The following SLC26A7 variants were observed in gnomAD, a reference collection of about 807,000 sequenced individuals.
SLC26A7 encodes the protein anion exchange transporter.
Under a neutral mutation model 82.5 loss-of-function variants are expected in SLC26A7, and 59 were observed. The observed-to-expected ratio is 0.72, with a 90% CI of 0.58 to 0.89. SLC26A7 has a LOEUF of 0.89. Ranked by LOEUF, SLC26A7 falls within the 40% of genes least tolerant of loss-of-function variation. The probability of loss-of-function intolerance (pLI) is 0.00; values close to 1 mark genes in which losing one functional copy is unlikely to be tolerated. For missense variants in SLC26A7, 820 were observed against 793.0 expected (o/e 1.03, Z -0.41); for synonymous variants, 271 against 274.3 (o/e 0.99, Z 0.12).
At chr8:91,303,549 TA>T (rs1424529012) in intron 4 of SLC26A7, among the ~76,000 whole-genome samples, 1 of 152,208 alleles carries the variant, frequency 6.6e-6, no homozygotes, top group Non-Finnish European at 1.5e-5. Flanking sequence ...TTAGTTAAGT[TA>T]TATATGTTTG....
chr8:91,220,279 T>C (rs905165493), intron 2 of SLC26A7, among the ~76,000 whole-genome samples: 3 of 152,176 alleles, frequency 2.0e-5, no homozygotes, highest in Non-Finnish European at 4.4e-5. Context: ...AAAGTATGTG[T>C]GCTTATTTTG....
chr8:91,298,624 A>G (rs1338401440), intron 4 of SLC26A7, among the ~76,000 whole-genome samples: 1 of 152,184 alleles, frequency 6.6e-6, no homozygotes, highest in African/African-American at 2.4e-5. Flanking sequence ...TTATCTATTC[A>G]GGAACTTGAA....
At chr8:91,331,647 G>GAT (rs1389659598) in intron 5 of SLC26A7, among the ~76,000 whole-genome samples, 3 of 151,964 alleles carry the variant, frequency 2.0e-5, no homozygotes, top group East Asian at 1.9e-4. Context: ...GTGATGTTTT[G>GAT]ATATATATAT....
chr8:91,224,190 T>A (rs2130666566), intron 2 of SLC26A7, among the ~76,000 whole-genome samples: 1 of 152,276 alleles, frequency 6.6e-6, no homozygotes, highest in Non-Finnish European at 1.5e-5. Flanking sequence ...TCAGTTCGTC[T>A]ATCTGATCCT....
intron 4 of SLC26A7, among the ~76,000 whole-genome samples, chr8:91,317,606 A>G (rs1812674011): frequency 6.6e-6 from 1 of 152,194 alleles, no homozygotes; most frequent in Non-Finnish European, 1.5e-5. Flanking sequence ...GTATCTGGTC[A>G]AAGAGTATGT....
intron 2 of SLC26A7, among the ~76,000 whole-genome samples, chr8:91,243,640 C>A (rs1563640615): frequency 6.6e-6 from 1 of 152,140 alleles, no homozygotes; most frequent in African/African-American, 2.4e-5. Flanking sequence ...ATGGGAGGAA[C>A]CTACCGACAC....
intron 6 of SLC26A7, among the ~76,000 whole-genome samples, chr8:91,334,824 C>G (rs1225995032): frequency 6.6e-6 from 1 of 152,004 alleles, no homozygotes; most frequent in Admixed American, 6.6e-5. Flanking sequence ...TATATGGCAC[C>G]TATAAGATAT....
At chr8:91,325,268 A>C (rs965888024) in intron 5 of SLC26A7, among the ~76,000 whole-genome samples, 1 of 152,172 alleles carries the variant, frequency 6.6e-6, no homozygotes, top group African/African-American at 2.4e-5. Context: ...ATCACTGTGT[A>C]TAAGATGGCC....
chr8:91,352,963 A>T lies in SLC26A7; in HGVS notation c.1281A>T (p.Leu427Phe), dbSNP rs562708766. Residue 427 changes from leucine to phenylalanine, a missense_variant, in exon 11 of 19, where the codon TTA becomes TTT. Physicochemically the swap from Leu to Phe is conservative, Grantham distance 22. Coordinates refer to ENST00000276609, the MANE Select transcript of SLC26A7 (RefSeq NM_052832.4). ...LKGMLIQFRD[L>F]KKYWNVDKID... ...GAATGCTAATACAGTTCCGAGATTT[A>T]AAAAAATATTGGAATGTGGATAAAA... is the stretch of plus-strand genomic sequence containing the variant. 3 of 1,607,862 alleles carry T rather than the reference A, an allele frequency of 1.9e-6. No individual in the cohort carries two copies. The highest frequency in any genetic ancestry group is 1.7e-5 in the Admixed American group (1 of 59,192).
At chr8:91,260,946 T>A (rs1195007587) in intron 2 of SLC26A7, among the ~76,000 whole-genome samples, 5 of 152,076 alleles carry the variant, frequency 3.3e-5, no homozygotes, top group Non-Finnish European at 5.9e-5. Context: ...ATATGTAAAT[T>A]TACCCCAGGA....
chr8:91,381,112 T>C (rs550556426), intron 15 of SLC26A7, among the ~76,000 whole-genome samples: 2 of 152,290 alleles, frequency 1.3e-5, no homozygotes, highest in South Asian at 2.1e-4. Flanking sequence ...TATTAATTTC[T>C]GCACTTCTAA....
chr8:91,380,480 G>A (rs994738415), intron 15 of SLC26A7, among the ~76,000 whole-genome samples: 2 of 151,986 alleles, frequency 1.3e-5, no homozygotes, highest in African/African-American at 4.8e-5. Flanking sequence ...AATCATCTCC[G>A]GTTGTTTGGC....
intron 11 of SLC26A7, among the ~76,000 whole-genome samples, chr8:91,359,381 T>C (rs1406791750): frequency 6.6e-6 from 1 of 152,158 alleles, no homozygotes; most frequent in African/African-American, 2.4e-5. Flanking sequence ...AAGGAGAACA[T>C]TGGAGGAAGG....
At chr8:91,394,409 T>C (rs988721125) in intron 18 of SLC26A7, 19 of 1,455,938 alleles carry the variant, frequency 1.3e-5, no homozygotes, top group Middle Eastern at 1.8e-4. Flanking sequence ...TTAAGTTTTT[T>C]CTGCTCTGAT....
At chr8:91,356,963 G>A (rs537317389) in intron 11 of SLC26A7, among the ~76,000 whole-genome samples, 1 of 152,264 alleles carries the variant, frequency 6.6e-6, no homozygotes, top group Non-Finnish European at 1.5e-5. Flanking sequence ...TGGAAGCAAA[G>A]CCTCAGAAAT....
At chr8:91,290,632 G>T (rs993752853) in intron 3 of SLC26A7, among the ~76,000 whole-genome samples, 14 of 152,128 alleles carry the variant, frequency 9.2e-5, no homozygotes, top group African/African-American at 1.2e-4. Context: ...AATCCAGGCT[G>T]CTCTTCTTAT....
intron 4 of SLC26A7, among the ~76,000 whole-genome samples, chr8:91,299,091 A>G (rs1812091941): frequency 6.6e-6 from 1 of 152,154 alleles, no homozygotes; most frequent in South Asian, 2.1e-4. Flanking sequence ...TCATATGTTT[A>G]AGATCATTTT....
chr8:91,224,982 C>T (rs1016138525), intron 2 of SLC26A7, among the ~76,000 whole-genome samples: 1 of 152,344 alleles, frequency 6.6e-6, no homozygotes, highest in East Asian at 1.9e-4. Context: ...ACAGCCAATG[C>T]GTTGGGCTGT....
chr8:91,349,739 G>C (rs1039129151), intron 9 of SLC26A7, among the ~76,000 whole-genome samples: 2 of 152,192 alleles, frequency 1.3e-5, no homozygotes, highest in African/African-American at 4.8e-5. Flanking sequence ...TTAGGGTTTT[G>C]GTTTCAGGTA....
Sources: gnomAD v4.1 joint callset for allele counts (sites outside exome capture counted in the v4.1 genomes callset) on GRCh38, gnomAD v4.1.1 for gene constraint, MANE v1.5 for transcripts, NCBI Gene and HGNC (gene_info 2026-07-23, HGNC 2026-07-21) for gene names.